The following FGD5 variants were observed in gnomAD, a reference collection of about 807,000 sequenced individuals.
FGD5 encodes FYVE, RhoGEF and PH domain-containing protein 5.
In FGD5, 28 loss-of-function variants were observed where a neutral mutation model predicts 133.4. The ratio of observed to expected loss-of-function variants is 0.21; its 90% CI spans 0.16 to 0.29. FGD5 has a LOEUF of 0.29. Ranked by LOEUF, FGD5 falls within the 10% of genes least tolerant of loss-of-function variation. FGD5 has a pLI of 1.00. For synonymous variants in FGD5, 810 were observed against 776.5 expected, an observed-to-expected ratio of 1.04 and a Z score of -0.72; for missense variants, 1,858 against 1,895.2, an observed-to-expected ratio of 0.98 and a Z score of 0.36.
intron 1 of FGD5, among the ~76,000 whole-genome samples, chr3:14,812,203 T>C (rs2036306270): frequency 6.6e-6 from 1 of 152,172 alleles, no homozygotes; most frequent in Non-Finnish European, 1.5e-5. Context: ...CCTGGACAGT[T>C]AGTGAGTGTG....
chr3:14,892,598 A>C (rs999801079), intron 4 of FGD5, among the ~76,000 whole-genome samples: 1 of 152,184 alleles, frequency 6.6e-6, no homozygotes, highest in Non-Finnish European at 1.5e-5. Flanking sequence ...CGGGCAGATC[A>C]CCTGAGGTCA....
At chr3:14,879,930 T>TCA (rs2037793195) in intron 2 of FGD5, among the ~76,000 whole-genome samples, 1 of 152,066 alleles carries the variant, frequency 6.6e-6, no homozygotes, top group Non-Finnish European at 1.5e-5. Flanking sequence ...TTGCTCAAGA[T>TCA]TGGTGGGGTC....
intron 2 of FGD5, among the ~76,000 whole-genome samples, chr3:14,867,706 G>T (rs758675970): frequency 2.4e-4 from 37 of 151,720 alleles, no homozygotes; most frequent in Non-Finnish European, 4.9e-4. Context: ...TTTTGGTAGG[G>T]TGGGGGTGGG....
chr3:14,864,090 A>G (rs753329949), intron 1 of FGD5, 38 bp from the exon 2 acceptor site: 6 of 1,595,790 alleles, frequency 3.8e-6, no homozygotes, highest in East Asian at 2.2e-5. Context: ...TATGCTAAAC[A>G]AAAAGCTTTA....
intron 4 of FGD5, among the ~76,000 whole-genome samples, chr3:14,882,002 G>A (rs1364892308): frequency 1.3e-5 from 2 of 152,180 alleles, no homozygotes; most frequent in Non-Finnish European, 2.9e-5. Flanking sequence ...GCTGATAGCA[G>A]CCAGGACCCC....
chr3:14,877,461 G>GT (rs2037741754), intron 2 of FGD5, among the ~76,000 whole-genome samples: 1 of 152,180 alleles, frequency 6.6e-6, no homozygotes, highest in South Asian at 2.1e-4. Flanking sequence ...AACTCCAGAA[G>GT]TTTGGGTATG....
intron 11 of FGD5, among the ~76,000 whole-genome samples, chr3:14,914,704 C>G (rs991682927): frequency 6.6e-6 from 1 of 152,212 alleles, no homozygotes; most frequent in African/African-American, 2.4e-5. Context: ...GAGGGACACT[C>G]ATCAAGCCAT....
chr3:14,890,896 C>A (rs1172380594), intron 4 of FGD5, among the ~76,000 whole-genome samples: 1 of 152,220 alleles, frequency 6.6e-6, no homozygotes, highest in African/African-American at 2.4e-5. Flanking sequence ...AGCCTCTCTG[C>A]AGCCTCCTGC....
chr3:14,873,596 A>G (rs896555884), intron 2 of FGD5, among the ~76,000 whole-genome samples: 3 of 152,200 alleles, frequency 2.0e-5, no homozygotes, highest in Non-Finnish European at 4.4e-5. Flanking sequence ...GCCATCAAAC[A>G]TGGGGAGCTG....
At chr3:14,842,739 T>C (rs2036947618) in intron 1 of FGD5, among the ~76,000 whole-genome samples, 1 of 152,220 alleles carries the variant, frequency 6.6e-6, no homozygotes, top group Non-Finnish European at 1.5e-5. Context: ...TGTGTATGCT[T>C]TCCTGTTGCA....
At chr3:14,887,007 C>G (rs1253500231) in intron 4 of FGD5, among the ~76,000 whole-genome samples, 2 of 152,234 alleles carry the variant, frequency 1.3e-5, no homozygotes, top group African/African-American at 2.4e-5. Flanking sequence ...GATGGGCCCT[C>G]TGCTCTTGTT....
chr3:14,848,201 C>A (rs949528900), intron 1 of FGD5, among the ~76,000 whole-genome samples: 3 of 152,170 alleles, frequency 2.0e-5, no homozygotes, highest in Non-Finnish European at 4.4e-5. Context: ...TCTTCTCACC[C>A]TTTGGACGAG....
chr3:14,925,406 A>AT (rs2038781613), intron 17 of FGD5, among the ~76,000 whole-genome samples: 1 of 151,780 alleles, frequency 6.6e-6, no homozygotes, highest in Non-Finnish European at 1.5e-5. Flanking sequence ...TAAACCTCAC[A>AT]TTTTTTACAT....
At chr3:14,879,065 T>G (rs2125116609) in intron 2 of FGD5, among the ~76,000 whole-genome samples, 1 of 152,364 alleles carries the variant, frequency 6.6e-6, no homozygotes, top group South Asian at 2.1e-4. Context: ...AGTGATTTTC[T>G]CATCACTAGA....
At chr3:14,862,709 G>T (rs2037421991) in intron 1 of FGD5, among the ~76,000 whole-genome samples, 1 of 152,198 alleles carries the variant, frequency 6.6e-6, no homozygotes, top group Non-Finnish European at 1.5e-5. Context: ...TGGCTAGTAG[G>T]TTGAGTCGTG....
chr3:14,830,501 C>T (rs530646777), intron 1 of FGD5, among the ~76,000 whole-genome samples: 15 of 152,254 alleles, frequency 9.9e-5, no homozygotes, highest in African/African-American at 3.6e-4. Flanking sequence ...TAGATAAGAT[C>T]CTGATTAAGT....
chr3:14,930,698 T>TAA (rs1479369505), intron 18 of FGD5: 1 of 152,222 alleles, frequency 6.6e-6, no homozygotes, highest in African/African-American at 2.4e-5. Context: ...ATAGACCAAT[T>TAA]TGGGGAGAAC....
At chr3:14,930,844 TA>T (rs758091432) in intron 18 of FGD5, 7 of 152,186 alleles carry the variant, frequency 4.6e-5, no homozygotes, top group South Asian at 4.1e-4. Context: ...TATTTCTAAA[TA>T]TTTTTTTGGA....
chr3:14,813,508 A>G (rs1355024889), intron 1 of FGD5, among the ~76,000 whole-genome samples: 1 of 152,224 alleles, frequency 6.6e-6, no homozygotes, highest in South Asian at 2.1e-4. Context: ...CTTGTAACAT[A>G]TGGTTATGAG....
Sources: allele counts gnomAD v4.1 joint callset (sites outside exome capture counted in the v4.1 genomes callset), GRCh38; gene constraint gnomAD v4.1.1; transcripts MANE v1.5; gene names NCBI Gene and HGNC (gene_info 2026-07-23, HGNC 2026-07-21).